TRPV3: variants seen among roughly 807,000 people sequenced by gnomAD.
The protein encoded by TRPV3 is transient receptor potential cation channel subfamily V member 3, also known as VRL-3.
In TRPV3, 88 loss-of-function variants were observed where a neutral mutation model predicts 87.1. That is an observed-to-expected ratio of 1.01 (90% CI 0.85 to 1.21). The LOEUF is 1.21. Among genes scored for constraint, TRPV3 ranks in the 50% most tolerant of loss-of-function variants. The pLI, the probability that TRPV3 is intolerant of heterozygous loss-of-function variation, is 0.00. For synonymous variants in TRPV3, 438 were observed against 423.3 expected, an observed-to-expected ratio of 1.03 and a Z score of -0.43; for missense variants, 1,054 against 1,030.1, an observed-to-expected ratio of 1.02 and a Z score of -0.32.
At chr17:3,536,110 G>C (rs778815124) in intron 6 of TRPV3, among the ~76,000 whole-genome samples, 19 of 152,220 alleles carry the variant, frequency 1.2e-4, no homozygotes, top group Non-Finnish European at 1.3e-4. Context: ...CTCTAACCTG[G>C]GACCTCAGAA....
intron 2 of TRPV3, among the ~76,000 whole-genome samples, chr17:3,546,246 A>C (rs902092764): frequency 3.5e-4 from 54 of 152,122 alleles, no homozygotes; most frequent in African/African-American, 1.1e-3. Context: ...GTTCGAGACC[A>C]GCCTGACCAA....
At position 3,545,207 on chromosome 17, in the gene TRPV3, G is replaced by A; in HGVS notation, c.184C>T (p.Pro62Ser). The change falls in exon 3 of 18, where the codon CCT (proline) becomes TCT (serine). Residue 62 changes from proline to serine, a missense_variant. By Grantham distance (74) the Pro-to-Ser change is moderately conservative. Coordinates refer to ENST00000576742, the MANE Select transcript of TRPV3 (RefSeq NM_145068.4). ...GAATCCATGGGCTTGGAGAAGACAG[G>A]AGGAGAGGTCTTGGCAACTGTGGGG... Reference protein sequence around the residue: ...PNPTVAKTSPPVFSKPMDSNI... With the variant: ...PNPTVAKTSPSVFSKPMDSNI... 1 of 1,614,018 alleles carries A rather than the reference G, an allele frequency of 6.2e-7. No homozygotes were observed. Among genetic ancestry groups the A allele is most frequent in the South Asian group, 1.1e-5 (1 of 90,998 alleles).
At chr17:3,524,808 C>CAAAA (rs56919647) in intron 12 of TRPV3, among the ~76,000 whole-genome samples, 15 of 81,828 alleles carry the variant, frequency 1.8e-4, no homozygotes, top group Non-Finnish European at 3.6e-4. Context: ...CTTGTCTCTA[C>CAAAA]AAAAAAAAAA....
At chr17:3,538,895 C>T (rs1597484364) in intron 6 of TRPV3, among the ~76,000 whole-genome samples, 1 of 152,250 alleles carries the variant, frequency 6.6e-6, no homozygotes, top group East Asian at 1.9e-4. Flanking sequence ...ACTATTATAA[C>T]TTTAAATATG....
At position 3,547,710 on chromosome 17, in the gene TRPV3, C is replaced by T. The variant is rs909959707; in HGVS notation, c.120-2439G>A. Among the ~76,000 whole-genome samples, 12 of 148,554 alleles carry T rather than the reference C, an allele frequency of 8.1e-5. No homozygotes were observed. In the East Asian group the frequency reaches 1.0e-3, roughly 13 times the overall value. ...CTGTGGAGAAGGAAGCCATCTCAGG[C>T]GGTGGAGGGGGGCAGCGGAGGGGAG... On this transcript the variant is annotated intron_variant, in intron 2 of 17. Coordinates refer to ENST00000576742, the MANE Select transcript of TRPV3 (RefSeq NM_145068.4).
rs748486605 is a variant in TRPV3 at position 3,554,700 on chromosome 17, C to T, written c.119+32G>A. 1.1e-5 allele frequency: 16 copies of T among 1,494,828 alleles called. No homozygotes were observed. The Admixed American group carries it at 1.7e-4, about 16-fold the overall frequency. The allele number at this position is 1,494,828 out of a possible 1,614,324, so 92.6% of individuals were successfully genotyped here. ...CCCCCACTCGTGCCCCTCACAGTGC[C>T]GCAGTCCGTGTCCCGAGCTCTCCAA... On this transcript the variant is annotated intron_variant, in intron 2 of 17. Coordinates refer to ENST00000576742, the MANE Select transcript of TRPV3 (RefSeq NM_145068.4).
At chr17:3,514,105 T>C (rs2074150037) in intron 17 of TRPV3, 94 bp from the exon 18 acceptor site, 19 of 1,106,184 alleles carry the variant, frequency 1.7e-5, no homozygotes, top group Non-Finnish European at 2.4e-5. Flanking sequence ...TGAGATGGAG[T>C]TTCCCTCTTG....
At position 3,526,396 on chromosome 17, in the gene TRPV3, T is replaced by C. The variant is rs546447042; in HGVS notation, c.1577+458A>G. Among the ~76,000 whole-genome samples the C allele has an allele frequency of 2.6e-5, 4 of 152,124 alleles. No homozygotes were observed. In the East Asian group the frequency reaches 7.7e-4, roughly 29 times the overall value. ...AGGAGGCTGAGGCAGGAGAATCGCT[T>C]GAACCTGGGAGGTGGAGGTTGCAGT... On this transcript the variant is annotated intron_variant, in intron 12 of 17. Coordinates refer to ENST00000576742, the MANE Select transcript of TRPV3 (RefSeq NM_145068.4).
At chr17:3,524,400 C>T in intron 12 of TRPV3, 37 bp from the exon 13 acceptor site, 1 of 1,610,388 alleles carries the variant, frequency 6.2e-7, no homozygotes, top group South Asian at 1.1e-5. Flanking sequence ...GCCTTACTTA[C>T]TTCTCAGCAT....
intron 13 of TRPV3, among the ~76,000 whole-genome samples, chr17:3,523,933 G>A (rs938303659): frequency 9.4e-5 from 14 of 149,690 alleles, no homozygotes; most frequent in African/African-American, 3.3e-4. Context: ...CAGAACAGTC[G>A]TTAAATGTTT....
intron 8 of TRPV3, among the ~76,000 whole-genome samples, chr17:3,531,666 G>A (rs1043786726): frequency 6.6e-6 from 1 of 152,186 alleles, no homozygotes; most frequent in African/African-American, 2.4e-5. Context: ...CAGGGAAGAC[G>A]GCCTTGGAGA....
In TRPV3 at chr17:3,528,053, A is replaced by G; in HGVS notation, c.1475T>C (p.Ile492Thr). 2 of 1,613,776 alleles carry G rather than the reference A, an allele frequency of 1.2e-6. No homozygotes were observed. Among genetic ancestry groups the G allele is most frequent in the Non-Finnish European group, 1.7e-6 (2 of 1,179,980 alleles). Residue 492 changes from isoleucine (I) to threonine (T), a missense_variant, in exon 11 of 18, where the codon ATC (isoleucine) becomes ACC (threonine). Coordinates refer to ENST00000576742, the MANE Select transcript of TRPV3 (RefSeq NM_145068.4). This position sits in a 1 kb window ranked among gnomAD's most constrained non-coding sequence, Gnocchi z 4.2. ...LQLLGRMFVL[I>T]WAMCISVKEG... Reference sequence around the variant, plus strand: ...TTTCACAGAGATGCACATGGCCCAGATGAGCACAAACATCCTCCCTAGGAG... The same window carrying G: ...TTTCACAGAGATGCACATGGCCCAGGTGAGCACAAACATCCTCCCTAGGAG...
chr17:3,533,213 G>T (rs780498169), intron 7 of TRPV3, among the ~76,000 whole-genome samples: 2 of 152,232 alleles, frequency 1.3e-5, no homozygotes, highest in East Asian at 3.9e-4. Flanking sequence ...GAAAGCACAG[G>T]TTCCAATGAC....
rs780953136 is a variant in TRPV3 at position 3,528,048 on chromosome 17, C to T, written c.1480G>A (p.Ala494Thr). 1 of 1,613,612 alleles carries T rather than the reference C, an allele frequency of 6.2e-7. No individual in the cohort carries two copies. Among genetic ancestry groups the T allele is most frequent in the South Asian group, 1.1e-5 (1 of 91,078 alleles). Residue 494 changes from alanine to threonine, a missense_variant, in exon 11 of 18, where the codon GCC becomes ACC. Coordinates refer to ENST00000576742, the MANE Select transcript of TRPV3 (RefSeq NM_145068.4). The surrounding 1 kb of genome is among the most constrained non-coding windows in gnomAD (Gnocchi z 4.2). ...LLGRMFVLIW[A>T]MCISVKEGIA... is the part of the protein sequence containing the mutation. ...ACCTCTTTCACAGAGATGCACATGG[C>T]CCAGATGAGCACAAACATCCTCCCT...
chr17:3,542,823 C>G (rs1212370741), intron 5 of TRPV3, 125 bp from the exon 6 acceptor site: 1 of 1,005,962 alleles, frequency 9.9e-7, no homozygotes, highest in East Asian at 2.6e-5. Context: ...CACTCCCAGA[C>G]CTTACACTTG....
chr17:3,525,151 C>T (rs985939944), intron 12 of TRPV3, among the ~76,000 whole-genome samples: 3 of 151,008 alleles, frequency 2.0e-5, no homozygotes, highest in Non-Finnish European at 3.0e-5. Context: ...TCCCTAGTAG[C>T]TGGGATTACA....
chr17:3,518,612 G>A lies in TRPV3; in HGVS notation c.2049C>T (p.Asn683=), dbSNP rs368726402. Reference sequence around the variant, plus strand: ...AGATGCGTTCGCTCTCCTTGGAGACGTTCTCCACAGTCTCGCCCATCAGAG... The same window carrying A: ...AGATGCGTTCGCTCTCCTTGGAGACATTCTCCACAGTCTCGCCCATCAGAG... ...LIALMGETVE[N]VSKESERIWR... Residue 683 remains asparagine, a synonymous_variant, in exon 15 of 18, where the codon AAC becomes AAT. Transcript: ENST00000576742. This position sits in a 1 kb window ranked among gnomAD's most constrained non-coding sequence, Gnocchi z 4.3. The A allele has an allele frequency of 7.6e-5, 120 of 1,570,450 alleles. No individual in the cohort carries two copies. Among genetic ancestry groups the A allele is most frequent in the East Asian group, 2.5e-4 (11 of 43,352 alleles).
At chr17:3,540,270 C>A (rs1012773467) in intron 6 of TRPV3, among the ~76,000 whole-genome samples, 1 of 152,008 alleles carries the variant, frequency 6.6e-6, no homozygotes, top group Non-Finnish European at 1.5e-5. Flanking sequence ...GGTCCTGGAG[C>A]CCCTCTGCTC....
At chr17:3,536,711 C>G (rs924053379) in intron 6 of TRPV3, among the ~76,000 whole-genome samples, 1 of 152,106 alleles carries the variant, frequency 6.6e-6, no homozygotes, top group Non-Finnish European at 1.5e-5. Context: ...TCAGGATGCC[C>G]GGCTGGGAAG....
Sources: gnomAD v4.1 joint callset for allele counts (sites outside exome capture counted in the v4.1 genomes callset) on GRCh38, gnomAD v4.1.1 for gene constraint, Gnocchi (gnomAD v3.1) non-coding constraint, MANE v1.5 for transcripts, NCBI Gene and HGNC (gene_info 2026-07-23, HGNC 2026-07-21) for gene names.